The following AKR1C8 variants were observed in gnomAD, a reference collection of about 807,000 sequenced individuals.
AKR1C8 encodes the protein aldo-keto reductase family 1 member C-like protein 1.
the AKR1C8 span, among the ~76,000 whole-genome samples, chr10:5,170,298 A>G: frequency 6.6e-6 from 1 of 152,162 alleles, no homozygotes; most frequent in Non-Finnish European, 1.5e-5. Context: ...CAACACTACC[A>G]TTTAACAACA....
At chr10:5,140,361 A>G in the AKR1C8 span, among the ~76,000 whole-genome samples, 49,328 of 149,956 alleles carry the variant, frequency 0.33, 8,409 homozygotes, top group African/African-American at 0.36. Flanking sequence ...TGTTTACTGC[A>G]GCACTATTCA....
the AKR1C8 span, among the ~76,000 whole-genome samples, chr10:5,145,113 C>T: frequency 1.4e-4 from 21 of 152,152 alleles, no homozygotes; most frequent in African/African-American, 4.8e-4. Context: ...GCCTTTTCTG[C>T]ATCTATTGAG....
At chr10:5,116,527 C>T in the AKR1C8 span, among the ~76,000 whole-genome samples, 1 of 152,170 alleles carries the variant, frequency 6.6e-6, no homozygotes, top group Non-Finnish European at 1.5e-5. Flanking sequence ...AGGGCATACA[C>T]AGCCTTCTGG....
At chr10:5,123,268 C>A in the AKR1C8 span, 3 of 218,290 alleles carry the variant, frequency 1.4e-5, no homozygotes, top group Non-Finnish European at 3.1e-5. Context: ...CCACCCAACG[C>A]CTCACCTGCA....
the AKR1C8 span, chr10:5,123,725 T>C: frequency 2.0e-5 from 33 of 1,611,888 alleles, no homozygotes; most frequent in South Asian, 3.3e-4. Context: ...GTTCATGTCG[T>C]TGGGTTCCCA....
At chr10:5,184,939 A>G in the AKR1C8 span, 1 of 501,794 alleles carries the variant, frequency 2.0e-6, no homozygotes, top group Non-Finnish European at 4.1e-6. Context: ...ACCCAAGTGC[A>G]GGGCTCTTGC....
chr10:5,132,451 C>T, the AKR1C8 span, among the ~76,000 whole-genome samples: 1 of 152,118 alleles, frequency 6.6e-6, no homozygotes, highest in African/African-American at 2.4e-5. Flanking sequence ...TCATTTGCCG[C>T]CTTTTATTTT....
chr10:5,183,788 A>C, the AKR1C8 span, among the ~76,000 whole-genome samples: 6 of 152,210 alleles, frequency 3.9e-5, no homozygotes, highest in Non-Finnish European at 5.9e-5. Flanking sequence ...ACAGATAAGG[A>C]AACTTACACA....
At chr10:5,145,326 A>G in the AKR1C8 span, among the ~76,000 whole-genome samples, 1 of 152,168 alleles carries the variant, frequency 6.6e-6, no homozygotes, top group African/African-American at 2.4e-5. Flanking sequence ...CAATGGCAAC[A>G]AAAGACAAAA....
the AKR1C8 span, among the ~76,000 whole-genome samples, chr10:5,179,185 A>C: frequency 1.3e-5 from 2 of 152,044 alleles, no homozygotes; most frequent in Non-Finnish European, 2.9e-5. Flanking sequence ...TGGTGACAAA[A>C]ATCTCTCAGC....
the AKR1C8 span, among the ~76,000 whole-genome samples, chr10:5,148,800 T>C: frequency 6.6e-6 from 1 of 152,150 alleles, no homozygotes; most frequent in Non-Finnish European, 1.5e-5. Context: ...CCTTCTGACA[T>C]AGTGAGTATG....
the AKR1C8 span, among the ~76,000 whole-genome samples, chr10:5,129,582 G>A: frequency 6.6e-6 from 1 of 151,826 alleles, no homozygotes; most frequent in Non-Finnish European, 1.5e-5. Flanking sequence ...AAATGAAACT[G>A]GACACATTAC....
chr10:5,137,323 T>C, the AKR1C8 span, among the ~76,000 whole-genome samples: 3 of 152,064 alleles, frequency 2.0e-5, no homozygotes, highest in Non-Finnish European at 2.9e-5. Context: ...CCAATATCCC[T>C]GATGAGCATC....
the AKR1C8 span, among the ~76,000 whole-genome samples, chr10:5,174,928 T>C: frequency 1.3e-5 from 2 of 152,120 alleles, no homozygotes; most frequent in Admixed American, 6.6e-5. Flanking sequence ...TTACATGTTT[T>C]TTCATAAATC....
chr10:5,175,245 G>A, the AKR1C8 span, among the ~76,000 whole-genome samples: 14 of 151,402 alleles, frequency 9.2e-5, no homozygotes, highest in African/African-American at 2.4e-4. Context: ...TTGTCCTTGC[G>A]ATAGTTTACT....
the AKR1C8 span, among the ~76,000 whole-genome samples, chr10:5,149,256 T>G: frequency 6.6e-6 from 1 of 152,152 alleles, no homozygotes; most frequent in African/African-American, 2.4e-5. Flanking sequence ...TAGTTTCTTT[T>G]GAAACATACT....
the AKR1C8 span, among the ~76,000 whole-genome samples, chr10:5,137,874 G>T: frequency 2.0e-5 from 3 of 152,036 alleles, no homozygotes; most frequent in Non-Finnish European, 4.4e-5. Context: ...CAAAAGGGGA[G>T]GGGGTGTAAG....
the AKR1C8 span, among the ~76,000 whole-genome samples, chr10:5,170,939 T>G: frequency 6.6e-6 from 1 of 152,136 alleles, no homozygotes. Context: ...AAATTTTGTT[T>G]ATGGGAGTAA....
the AKR1C8 span, among the ~76,000 whole-genome samples, chr10:5,177,393 G>C: frequency 6.6e-6 from 1 of 151,994 alleles, no homozygotes; most frequent in Non-Finnish European, 1.5e-5. Flanking sequence ...GTATTTTATT[G>C]AGGATTTTTG....
Sources: allele counts gnomAD v4.1 joint callset (sites outside exome capture counted in the v4.1 genomes callset), GRCh38; gene constraint gnomAD v4.1.1; transcripts MANE v1.5; gene names NCBI Gene and HGNC (gene_info 2026-07-23, HGNC 2026-07-21).